The following CCBE1 variants were observed in gnomAD, a reference collection of about 807,000 sequenced individuals.
CCBE1 encodes collagen and calcium-binding EGF domain-containing protein 1.
CCBE1 carries 37 observed loss-of-function variants against 50.0 expected under a neutral mutation model. The observed-to-expected ratio is 0.74, with a 90% CI of 0.57 to 0.97. The LOEUF is 0.97. CCBE1 is among the 50% of genes least tolerant of loss of function. The probability of loss-of-function intolerance (pLI) is 0.00; values close to 1 mark genes in which losing one functional copy is unlikely to be tolerated. For missense variants in CCBE1, 538 were observed against 523.8 expected, an observed-to-expected ratio of 1.03 and a Z score of -0.26; for synonymous variants, 234 against 203.7, an observed-to-expected ratio of 1.15 and a Z score of -1.27.
chr18:59,527,945 A>T (rs1418457588), intron 2 of CCBE1, among the ~76,000 whole-genome samples: 2 of 151,952 alleles, frequency 1.3e-5, no homozygotes, highest in African/African-American at 2.4e-5. Context: ...AGAATCTGTG[A>T]TTGTGTGTCG....
chr18:59,655,168 T>A (rs556957972), intron 2 of CCBE1, among the ~76,000 whole-genome samples: 1 of 151,078 alleles, frequency 6.6e-6, no homozygotes, highest in East Asian at 2.0e-4. Flanking sequence ...AGAGTAAGCA[T>A]CCTCATCTGA....
intron 2 of CCBE1, among the ~76,000 whole-genome samples, chr18:59,532,948 T>G (rs772335962): frequency 1.3e-5 from 2 of 152,220 alleles, no homozygotes; most frequent in African/African-American, 4.8e-5. Flanking sequence ...AGTTCACCAA[T>G]GGCCACAGGC....
chr18:59,678,515 C>T (rs1023905343), intron 2 of CCBE1, among the ~76,000 whole-genome samples: 17 of 151,850 alleles, frequency 1.1e-4, no homozygotes, highest in African/African-American at 3.6e-4. Flanking sequence ...TCAGAATATT[C>T]GTTGCCTTTT....
At chr18:59,471,153 A>C (rs1912015791) in intron 3 of CCBE1, among the ~76,000 whole-genome samples, 1 of 152,168 alleles carries the variant, frequency 6.6e-6, no homozygotes, top group African/African-American at 2.4e-5. Context: ...GGGAAGAAGG[A>C]GGCAGAGAGG....
At chr18:59,439,996 C>T (rs866089511) in intron 7 of CCBE1, among the ~76,000 whole-genome samples, 180 bp from the exon 8 acceptor site, 5 of 152,236 alleles carry the variant, frequency 3.3e-5, no homozygotes, top group Non-Finnish European at 7.3e-5. Context: ...AAAGCGGCTT[C>T]CCCATCTTCC....
At chr18:59,522,781 A>C (rs887681581) in intron 2 of CCBE1, among the ~76,000 whole-genome samples, 2 of 152,018 alleles carry the variant, frequency 1.3e-5, no homozygotes, top group African/African-American at 4.8e-5. Flanking sequence ...TGAGGTCAGG[A>C]GATCAAGACC....
chr18:59,677,175 A>G (rs1172563783), intron 2 of CCBE1, among the ~76,000 whole-genome samples: 4 of 152,346 alleles, frequency 2.6e-5, no homozygotes, highest in Non-Finnish European at 4.4e-5. Context: ...TTCCAGGCCA[A>G]AGATGACAGT....
At chr18:59,556,304 C>CA (rs1395833031) in intron 2 of CCBE1, among the ~76,000 whole-genome samples, 1 of 152,140 alleles carries the variant, frequency 6.6e-6, no homozygotes, top group East Asian at 1.9e-4. Flanking sequence ...TCTCAGGGCC[C>CA]AGCTGTGTTT....
chr18:59,506,125 T>C (rs1568176382), intron 2 of CCBE1, among the ~76,000 whole-genome samples: 1 of 152,174 alleles, frequency 6.6e-6, no homozygotes, highest in Non-Finnish European at 1.5e-5. Flanking sequence ...TGGATTAGGA[T>C]GGACCCTAAA....
chr18:59,518,816 C>A (rs955055518), intron 2 of CCBE1, among the ~76,000 whole-genome samples: 15 of 152,306 alleles, frequency 9.8e-5, no homozygotes, highest in East Asian at 5.8e-4. Context: ...GTCTGCACAC[C>A]CGCTGGCAGC....
chr18:59,518,704 A>AC (rs34433276), intron 2 of CCBE1, among the ~76,000 whole-genome samples: 3 of 152,138 alleles, frequency 2.0e-5, no homozygotes, highest in African/African-American at 7.2e-5. Flanking sequence ...TTGGGAACCC[A>AC]CCCACATCCC....
chr18:59,509,734 C>T lies in CCBE1; in HGVS notation c.213-29496G>A, dbSNP rs143802997. ...GGAGGGAACTGGAAAACAACTATTT[C>T]ATGTGCGCCCTGCACTGACCTTGAA... is the stretch of plus-strand genomic sequence containing the variant. On this transcript the variant is annotated intron_variant, in intron 2 of 10. Coordinates refer to ENST00000439986, the MANE Select transcript of CCBE1 (RefSeq NM_133459.4). 2.6e-3 allele frequency among the ~76,000 whole-genome samples: 390 copies of T among 152,334 alleles called. 4 individuals are homozygous for T. Among genetic ancestry groups the T allele is most frequent in the African/African-American group, 8.4e-3 (351 of 41,576 alleles).
chr18:59,587,288 A>T (rs1195754143), intron 2 of CCBE1, among the ~76,000 whole-genome samples: 1 of 152,220 alleles, frequency 6.6e-6, no homozygotes, highest in Non-Finnish European at 1.5e-5. Context: ...AGCAACAAAG[A>T]ATATATTGTG....
chr18:59,638,266 T>C (rs184283339), intron 2 of CCBE1, among the ~76,000 whole-genome samples: 9 of 152,302 alleles, frequency 5.9e-5, no homozygotes, highest in Middle Eastern at 3.4e-3. Flanking sequence ...TTATAACCAA[T>C]AGAGAACTTT....
chr18:59,470,625 A>G (rs1911987391), intron 3 of CCBE1, among the ~76,000 whole-genome samples: 2 of 152,130 alleles, frequency 1.3e-5, no homozygotes, highest in Admixed American at 1.3e-4. Context: ...ATAAAGAATT[A>G]GGGCATCTGC....
intron 2 of CCBE1, among the ~76,000 whole-genome samples, chr18:59,515,875 G>A (rs1164966675): frequency 6.6e-6 from 1 of 152,198 alleles, no homozygotes; most frequent in Non-Finnish European, 1.5e-5. Flanking sequence ...TACTTTACAG[G>A]TTTGAGGAGA....
At chr18:59,466,111 A>G (rs1911728266) in intron 5 of CCBE1, among the ~76,000 whole-genome samples, 1 of 152,088 alleles carries the variant, frequency 6.6e-6, no homozygotes, top group African/African-American at 2.4e-5. Context: ...AATATATGTT[A>G]TATATATTAC....
chr18:59,560,882 C>T (rs1048638393), intron 2 of CCBE1, among the ~76,000 whole-genome samples: 2 of 152,196 alleles, frequency 1.3e-5, no homozygotes, highest in African/African-American at 4.8e-5. Flanking sequence ...GTGAAGCATA[C>T]TAAAGTACAA....
chr18:59,532,111 G>A (rs1915076833), intron 2 of CCBE1, among the ~76,000 whole-genome samples: 1 of 152,130 alleles, frequency 6.6e-6, no homozygotes, highest in Non-Finnish European at 1.5e-5. Context: ...TGTTGCCCAG[G>A]CTGGAGGGCA....
Sources: allele counts gnomAD v4.1 joint callset (sites outside exome capture counted in the v4.1 genomes callset), GRCh38; gene constraint gnomAD v4.1.1; transcripts MANE v1.5; gene names NCBI Gene and HGNC (gene_info 2026-07-23, HGNC 2026-07-21).